The following CLEC4F variants were observed in gnomAD, a reference collection of about 807,000 sequenced individuals.
The protein encoded by CLEC4F is C-type lectin domain family 4 member F, also known as C-type (calcium dependent, carbohydrate-recognition domain) lectin, superfamily member 13.
In CLEC4F, 45 loss-of-function variants were observed where a neutral mutation model predicts 53.4. The observed-to-expected ratio is 0.84, with a 90% CI of 0.66 to 1.08. CLEC4F has a LOEUF of 1.08. CLEC4F is among the 50% of genes least tolerant of loss of function. The pLI is 0.00. For synonymous variants in CLEC4F, 245 were observed against 257.5 expected (o/e 0.95, Z 0.46); for missense variants, 753 against 698.2 (o/e 1.08, Z -0.88).
chr2:70,820,446 G>C lies in CLEC4F; in HGVS notation c.61+17C>G. Reference sequence around the variant, plus strand: ...TACTCCCTCACTGGGCAAGAGCTGGGGCCCCAGTTTTCTCACCTTGGGGGT... The same window carrying C: ...TACTCCCTCACTGGGCAAGAGCTGGCGCCCCAGTTTTCTCACCTTGGGGGT... On this transcript the variant is annotated intron_variant, in intron 1 of 6. Coordinates refer to ENST00000272367, the MANE Select transcript of CLEC4F (RefSeq NM_173535.3). 6.4e-7 allele frequency: 1 copy of C among 1,573,056 alleles called. No homozygotes were observed. Among genetic ancestry groups the C allele is most frequent in the African/African-American group, 1.3e-5 (1 of 74,238 alleles).
chr2:70,820,433 G>A (rs1553397679), intron 1 of CLEC4F, 30 bp downstream of exon 1: 1 of 1,559,824 alleles, frequency 6.4e-7, no homozygotes, highest in Admixed American at 1.9e-5. Context: ...CTCCCTCACT[G>A]GGCAAGAGCT....
chr2:70,809,715 G>C (rs1478593389), intron 6 of CLEC4F, 24 bp downstream of exon 6: 1 of 1,567,410 alleles, frequency 6.4e-7, no homozygotes, highest in Non-Finnish European at 8.8e-7. Flanking sequence ...GCCTGGGACA[G>C]CGCCAGATGG....
chr2:70,817,859 G>A (rs902090131), intron 3 of CLEC4F, among the ~76,000 whole-genome samples: 17 of 152,196 alleles, frequency 1.1e-4, no homozygotes, highest in African/African-American at 4.1e-4. Flanking sequence ...AACAGTTTGA[G>A]GATACAGGAA....
intron 4 of CLEC4F, 43 bp from the exon 5 acceptor site, chr2:70,812,641 G>A: frequency 6.2e-7 from 1 of 1,606,208 alleles, no homozygotes; most frequent in Non-Finnish European, 8.5e-7. Context: ...GGAGCTGCTG[G>A]TAGGAGTCCC....
chr2:70,822,219 C>T (rs1009109811), upstream of CLEC4F, among the ~76,000 whole-genome samples: 1 of 152,178 alleles, frequency 6.6e-6, no homozygotes, highest in Non-Finnish European at 1.5e-5. Flanking sequence ...TTGTTGGATG[C>T]CCAGCGGGTG....
chr2:70,812,623 G>A (rs1392573162), intron 4 of CLEC4F, 25 bp from the exon 5 acceptor site: 1 of 1,612,312 alleles, frequency 6.2e-7, no homozygotes, highest in East Asian at 2.2e-5. Flanking sequence ...GGGGAGAAAA[G>A]AGAACCAGGA....
intron 5 of CLEC4F, chr2:70,810,745 G>A: frequency 2.2e-6 from 1 of 454,514 alleles, no homozygotes; most frequent in Admixed American, 2.8e-5. Context: ...GATATATACA[G>A]TACGTAATTA....
At chr2:70,817,815 C>G (rs1454290517) in intron 3 of CLEC4F, among the ~76,000 whole-genome samples, 1 of 152,136 alleles carries the variant, frequency 6.6e-6, no homozygotes, top group African/African-American at 2.4e-5. Context: ...AGAGCCAGCA[C>G]CCCCAGTGTT....
chr2:70,820,569 T>C lies in CLEC4F; in HGVS notation c.-46A>G, dbSNP rs1553397768. 2.6e-6 allele frequency: 4 copies of C among 1,551,444 alleles called. No homozygotes were observed. The highest frequency in any genetic ancestry group is 3.5e-6 in the Non-Finnish European group (4 of 1,145,036). On this transcript the variant is annotated 5_prime_UTR_variant, in exon 1 of 7. Transcript: ENST00000272367. ...AGCACTGCTCCCAGCCACTGGCTCC[T>C]GGAAGGGCCGTCCCGTGGACCAATG...
upstream of CLEC4F, among the ~76,000 whole-genome samples, chr2:70,823,507 G>C (rs2104690085): frequency 6.6e-6 from 1 of 152,270 alleles, no homozygotes; most frequent in South Asian, 2.1e-4. Context: ...AGAGCTGAGG[G>C]AACCTCGAAG....
rs1553397228 is a variant in CLEC4F at position 70,819,370 on chromosome 2, G to C, written c.253C>G (p.Pro85Ala). 6.2e-7 allele frequency: 1 copy of C among 1,614,112 alleles called. No homozygotes were observed. The highest frequency in any genetic ancestry group is 8.5e-7 in the Non-Finnish European group (1 of 1,180,002). Residue 85 changes from proline to alanine, a missense_variant, in exon 3 of 7, where the codon CCT becomes GCT. Transcript: ENST00000272367. ...GGCTACTCACTGTTGGGTTCAAAAG[G>C]TAAATGCCCAGTAATGTTGTCTCCC... ...ILGDNITGHL[P>A]FEPNNHHHFG...
intron 4 of CLEC4F, among the ~76,000 whole-genome samples, chr2:70,814,025 A>G (rs60399010): frequency 0.015 from 2,300 of 152,248 alleles, 56 homozygotes; most frequent in African/African-American, 0.053. Flanking sequence ...CAGGTGTTCA[A>G]TGTTAAGGAG....
Position 70,819,827 on chromosome 2 carries a change from CG to C in CLEC4F, c.125del (p.Pro42ArgfsTer6). The C allele has an allele frequency of 6.2e-7, 1 of 1,609,368 alleles. No individual in the cohort carries two copies. Among genetic ancestry groups the C allele is most frequent in the South Asian group, 1.1e-5 (1 of 90,194 alleles). On this transcript the variant is annotated frameshift_variant, in exon 2 of 7. Transcript: ENST00000272367. LOFTEE classifies it high-confidence loss of function. ...PKIPRLVQAT[P>X]AFMAVTLVFS... ...AGACCAAGGTCACAGCCATAAATGC[CG>C]GGGTAGCCTGAACGAGCCTCGGTAT...
chr2:70,816,727 G>C lies in CLEC4F; in HGVS notation c.654C>G (p.Gly218=). 1 of 1,614,092 alleles carries C rather than the reference G, an allele frequency of 6.2e-7. No individual in the cohort carries two copies. Among genetic ancestry groups the C allele is most frequent in the Non-Finnish European group, 8.5e-7 (1 of 1,180,016 alleles). ...TSIELHVLSR[G]LENANSEIQM... ...GAATTTCAGAGTTTGCATTTTCTAA[G>C]CCTCTGCTTAGCACGTGGAGCTCAA... The change falls in exon 4 of 7, where the codon GGC becomes GGG. Residue 218 remains glycine, a synonymous_variant. Coordinates refer to ENST00000272367, the MANE Select transcript of CLEC4F (RefSeq NM_173535.3).
At chr2:70,809,699 G>T in intron 6 of CLEC4F, 40 bp downstream of exon 6, 3 of 1,481,816 alleles carry the variant, frequency 2.0e-6, no homozygotes, top group Non-Finnish European at 2.8e-6. Context: ...GTCCACCAAA[G>T]ACAGTGCCTG....
intron 3 of CLEC4F, among the ~76,000 whole-genome samples, chr2:70,818,104 C>T (rs782700607): frequency 2.0e-5 from 3 of 152,130 alleles, no homozygotes; most frequent in Non-Finnish European, 4.4e-5. Context: ...CTGGAGCATC[C>T]ATGTACTATT....
upstream of CLEC4F, among the ~76,000 whole-genome samples, chr2:70,823,493 C>T (rs1198861054): frequency 6.6e-6 from 1 of 152,184 alleles, no homozygotes. Context: ...CCTCCTGAGG[C>T]CTGAGAGCTG....
Position 70,816,131 on chromosome 2 carries a change from G to A in CLEC4F, c.1250C>T (p.Ala417Val), listed in dbSNP as rs782119245. The part of the protein sequence containing the change: ...TQMLDSNLQK[A>V]SAEIQRLRGD... ...TCTTAACCTCTGGATCTCGGCACTG[G>A]CCTTCTGCAGATTGCTGTCTAACAT... Residue 417 changes from alanine to valine, a missense_variant, in exon 4 of 7, where the codon GCC (alanine) becomes GTC (valine). Coordinates refer to ENST00000272367, the MANE Select transcript of CLEC4F (RefSeq NM_173535.3). 7 of 1,614,074 alleles carry A rather than the reference G, an allele frequency of 4.3e-6. 1 individual carries two copies. The South Asian group carries it at 5.5e-5, about 13-fold the overall frequency.
chr2:70,817,233 C>T (rs1676974857), intron 3 of CLEC4F, 121 bp from the exon 4 acceptor site: 4 of 1,050,224 alleles, frequency 3.8e-6, no homozygotes, highest in Non-Finnish European at 5.4e-6. Flanking sequence ...GCCCTCAGTG[C>T]TCCCCCAAGC....
Sources: gnomAD v4.1 joint callset for allele counts (sites outside exome capture counted in the v4.1 genomes callset) on GRCh38, gnomAD v4.1.1 for gene constraint, MANE v1.5 for transcripts, NCBI Gene and HGNC (gene_info 2026-07-23, HGNC 2026-07-21) for gene names.